DMD: variants seen among roughly 807,000 people sequenced by gnomAD.
DMD encodes the protein mutant dystrophin.
A neutral mutation model predicts 330.1 loss-of-function variants in DMD; 63 were observed. The observed-to-expected ratio is 0.19, with a 90% CI of 0.16 to 0.24. The LOEUF (loss-of-function observed/expected upper bound fraction) is 0.24, where lower values mean the gene tolerates loss of function less well. Among genes scored for constraint, DMD ranks in the 10% least tolerant of loss-of-function variants. The pLI is 1.00. For synonymous variants in DMD, 1,223 were observed against 959.8 expected, an observed-to-expected ratio of 1.27 and a Z score of -5.07; for missense variants, 3,344 against 2,684.1, an observed-to-expected ratio of 1.25 and a Z score of -5.43.
In DMD at chrX:32,674,173, T is replaced by C. The variant is rs144434205; in HGVS notation, c.960+23697A>G. The stretch of plus-strand genomic sequence containing the variant: ...ATATAATATCTGTTTCAATTTGGTT[T>C]CTTTTATAAATTTAGTTTAGTTTTA... On this transcript the variant is annotated intron_variant, in intron 9 of 78. Coordinates refer to ENST00000357033, the MANE Select transcript of DMD (RefSeq NM_004006.3). Among the ~76,000 whole-genome samples, 472 of 112,003 alleles carry C rather than the reference T, an allele frequency of 4.2e-3. 4 individuals carry two copies. The highest frequency in any genetic ancestry group is 0.014 in the African/African-American group (447 of 30,924).
chrX:32,887,288 A>G (rs2084693430), intron 2 of DMD, among the ~76,000 whole-genome samples: 1 of 109,457 alleles, frequency 9.1e-6, no homozygotes, highest in Non-Finnish European at 1.9e-5. Flanking sequence ...CGGAGCTTGC[A>G]GTGAGCCGAG....
intron 41 of DMD, among the ~76,000 whole-genome samples, chrX:32,329,658 T>A (rs1449778526): frequency 8.9e-6 from 1 of 112,629 alleles, no homozygotes; most frequent in African/African-American, 3.2e-5. Context: ...CATTTTGAGC[T>A]TTATACGGGT....
At chrX:32,765,065 T>C (rs1263193325) in intron 7 of DMD, among the ~76,000 whole-genome samples, 1 of 109,982 alleles carries the variant, frequency 9.1e-6, no homozygotes, top group Non-Finnish European at 1.9e-5. Context: ...GCGATATCGA[T>C]TATCTACTCA....
intron 44 of DMD, among the ~76,000 whole-genome samples, chrX:32,189,475 A>G (rs1569549713): frequency 9.0e-6 from 1 of 110,759 alleles, no homozygotes; most frequent in South Asian, 3.8e-4. Context: ...GCTGCTTCCA[A>G]TGCCACAACT....
intron 44 of DMD, among the ~76,000 whole-genome samples, chrX:32,097,670 T>TA (rs2096517614): frequency 8.9e-6 from 1 of 112,256 alleles, no homozygotes; most frequent in Non-Finnish European, 1.9e-5. Flanking sequence ...TGGAAATACC[T>TA]ATAATAACTA....
chrX:31,700,381 G>A (rs1045112975), intron 52 of DMD, among the ~76,000 whole-genome samples: 5 of 111,813 alleles, frequency 4.5e-5, no homozygotes, highest in Non-Finnish European at 9.4e-5. Context: ...TGTATGGAGA[G>A]GAGTTGGAAA....
At chrX:32,722,033 A>G (rs1003326330) in intron 7 of DMD, among the ~76,000 whole-genome samples, 9 of 110,201 alleles carry the variant, frequency 8.2e-5, no homozygotes, top group Non-Finnish European at 1.3e-4. Flanking sequence ...TTTTTATGGC[A>G]TTACAATACT....
intron 1 of DMD, among the ~76,000 whole-genome samples, chrX:33,301,381 T>A (rs1420560867): frequency 9.9e-6 from 1 of 101,024 alleles, no homozygotes; most frequent in East Asian, 3.2e-4. Context: ...CTTCATGGTA[T>A]ATTTTTTTTT....
rs778057190 is a variant in DMD, at chrX:32,374,089, C to T, written c.4845+6421G>A. On this transcript the variant is annotated intron_variant, in intron 34 of 78. Coordinates refer to ENST00000357033, the MANE Select transcript of DMD (RefSeq NM_004006.3). ...AAGATTTTTTAATATGCTCATTGGC[C>T]GCTTGTATGTCTTCTTTCGAGGAGT... 8.1e-5 allele frequency among the ~76,000 whole-genome samples: 9 copies of T among 110,971 alleles called. No homozygotes were observed. The East Asian group carries it at 8.6e-4, about 11-fold the overall frequency.
chrX:32,801,304 G>A lies in DMD; in HGVS notation c.649+8189C>T, dbSNP rs191529625. ...TGATGAACTTTTTTTTCACATACTT[G>A]TTGGCCACATAAATGTCTTCTTTGA... On this transcript the variant is annotated intron_variant, in intron 7 of 78. Transcript: ENST00000357033. 7.2e-5 allele frequency among the ~76,000 whole-genome samples: 8 copies of A among 111,130 alleles called. No individual in the cohort carries two copies. The Admixed American group carries it at 7.6e-4, about 11-fold the overall frequency.
At chrX:33,314,200 A>G (rs1011452476) in intron 1 of DMD, among the ~76,000 whole-genome samples, 2 of 111,070 alleles carry the variant, frequency 1.8e-5, no homozygotes, top group African/African-American at 6.6e-5. Flanking sequence ...CTAGTTTCCT[A>G]TTGCTCATAT....
chrX:32,085,671 TACAC>T (rs1481539365), intron 44 of DMD, among the ~76,000 whole-genome samples: 1 of 89,918 alleles, frequency 1.1e-5, no homozygotes, highest in Admixed American at 1.3e-4. Context: ...TACGTATATA[TACAC>T]ACGCGTATAT....
intron 51 of DMD, among the ~76,000 whole-genome samples, chrX:31,733,598 A>G (rs776658935): frequency 1.7e-4 from 19 of 111,834 alleles, no homozygotes; most frequent in Non-Finnish European, 3.2e-4. Flanking sequence ...AGAATTCAGA[A>G]GGTAAAAGAG....
At chrX:32,314,831 C>A (rs1351914805) in intron 41 of DMD, among the ~76,000 whole-genome samples, 1 of 111,737 alleles carries the variant, frequency 8.9e-6, no homozygotes, top group Non-Finnish European at 1.9e-5. Context: ...GTCAAAACCA[C>A]AACGAGATAG....
intron 50 of DMD, among the ~76,000 whole-genome samples, chrX:31,774,574 A>T (rs1049984351): frequency 8.3e-5 from 9 of 107,973 alleles, no homozygotes; most frequent in Non-Finnish European, 1.5e-4. Flanking sequence ...AATTTTACTT[A>T]TTTTTTTTTT....
At chrX:32,062,870 A>T (rs752130570) in intron 44 of DMD, among the ~76,000 whole-genome samples, 2 of 110,038 alleles carry the variant, frequency 1.8e-5, no homozygotes, top group African/African-American at 6.6e-5. Flanking sequence ...CTGAATGTAG[A>T]GTTGGAACTG....
intron 53 of DMD, among the ~76,000 whole-genome samples, chrX:31,667,055 T>C (rs2081471811): frequency 8.9e-6 from 1 of 112,127 alleles, no homozygotes; most frequent in Admixed American, 9.4e-5. Flanking sequence ...ACCATTATTA[T>C]GATCTAATTT....
intron 1 of DMD, among the ~76,000 whole-genome samples, chrX:33,169,972 A>G (rs1275239959): frequency 9.0e-6 from 1 of 111,221 alleles, no homozygotes; most frequent in Non-Finnish European, 1.9e-5. Flanking sequence ...AATTTGCCAG[A>G]TTAACAAACA....
At chrX:32,655,265 G>C (rs892015013) in intron 9 of DMD, among the ~76,000 whole-genome samples, 5 of 112,026 alleles carry the variant, frequency 4.5e-5, no homozygotes, top group Non-Finnish European at 9.4e-5. Context: ...GCTTTCTCTT[G>C]TGGGCATTCA....
Sources: allele counts gnomAD v4.1 joint callset (sites outside exome capture counted in the v4.1 genomes callset), GRCh38; gene constraint gnomAD v4.1.1; transcripts MANE v1.5; gene names NCBI Gene and HGNC (gene_info 2026-07-23, HGNC 2026-07-21).